The following HMCES variants were observed in gnomAD, a reference collection of about 807,000 sequenced individuals.
The protein encoded by HMCES is abasic site processing protein HMCES.
HMCES carries 27 observed loss-of-function variants against 35.1 expected under a neutral mutation model. The ratio of observed to expected loss-of-function variants is 0.77; its 90% confidence interval spans 0.57 to 1.06. The LOEUF is 1.06. HMCES is among the 50% of genes least tolerant of loss of function. The pLI, the probability that HMCES is intolerant of heterozygous loss-of-function variation, is 0.00. For synonymous variants in HMCES, 130 were observed against 154.7 expected (o/e 0.84, Z 1.18); for missense variants, 391 against 430.4 (o/e 0.91, Z 0.81).
Position 129,288,780 on chromosome 3 carries a change from T to C in HMCES, c.184-74T>C, listed in dbSNP as rs1940712570. 4 of 1,071,686 alleles carry C rather than the reference T, an allele frequency of 3.7e-6. No individual in the cohort carries two copies. The East Asian group carries it at 1.1e-4, about 28-fold the overall frequency. The allele number at this position is 1,071,686 out of a possible 1,614,324, so 66.4% of individuals were successfully genotyped here. A position where few individuals can be genotyped will look rare whatever the true frequency, so the allele number is the denominator to read the frequency against. On this transcript the variant is annotated intron_variant, in intron 2 of 6. Coordinates refer to ENST00000383463, the MANE Select transcript of HMCES (RefSeq NM_020187.3). ...TTTATATTTCAATACTCCTAAATAA[T>C]GTAATAAATACATATGTTAAATTAG...
Position 129,305,450 on chromosome 3 carries a change from T to A in HMCES, c.*625T>A, listed in dbSNP as rs1308899070. 3.3e-5 allele frequency: 5 copies of A among 152,092 alleles called. No individual in the cohort carries two copies. The highest frequency in any genetic ancestry group is 3.3e-4 in the Admixed American group (5 of 15,274). 9.4% of individuals were successfully genotyped at this position (152,092 alleles called of 1,614,324 possible). Reference sequence around the variant, plus strand: ...CAAGTCTTGGTGGTGGGCTCCTTATTATGTTTCTTTTTCTTTCATTCTTGA... The same window carrying A: ...CAAGTCTTGGTGGTGGGCTCCTTATAATGTTTCTTTTTCTTTCATTCTTGA... On this transcript the variant is annotated 3_prime_UTR_variant, in exon 7 of 7. Transcript: ENST00000383463.
Position 129,279,613 on chromosome 3 carries a change from C to A in HMCES, c.-23-97C>A. 1 of 1,220,284 alleles carries A rather than the reference C, an allele frequency of 8.2e-7. No homozygotes were observed. The highest frequency in any genetic ancestry group is 1.1e-6 in the Non-Finnish European group (1 of 870,662). The allele number at this position is 1,220,284 out of a possible 1,614,324, so 75.6% of individuals were successfully genotyped here. On this transcript the variant is annotated intron_variant, in intron 1 of 6. Transcript: ENST00000383463. The surrounding 1 kb of genome is among the most constrained non-coding windows in gnomAD (Gnocchi z 4.2). ...TTTAGACGGTGGTCACGGAGGGGCA[C>A]GGCCCTGTGGGAACGGAAAGAGAAG...
chr3:129,284,050 T>G (rs1940567053), intron 2 of HMCES, among the ~76,000 whole-genome samples: 1 of 152,242 alleles, frequency 6.6e-6, no homozygotes, highest in Non-Finnish European at 1.5e-5. Flanking sequence ...TCACTAAAAT[T>G]TATTTGTAAC....
At chr3:129,281,089 GCACGCAC>G (rs1940467171) in intron 2 of HMCES, among the ~76,000 whole-genome samples, 1 of 152,014 alleles carries the variant, frequency 6.6e-6, no homozygotes, top group South Asian at 2.1e-4. Flanking sequence ...GAGTATGGTG[GCACGCAC>G]CTGTAGTCCC....
intron 4 of HMCES, 114 bp downstream of exon 4, chr3:129,290,918 T>C: frequency 1.8e-6 from 2 of 1,089,860 alleles, no homozygotes; most frequent in South Asian, 3.0e-5. Flanking sequence ...AAATAACAGC[T>C]TTGGCCCAGT....
At chr3:129,301,171 A>ACGTCTC (rs1560078379) in intron 5 of HMCES, among the ~76,000 whole-genome samples, 1,760 of 148,444 alleles carry the variant, frequency 0.012, 40 homozygotes, top group African/African-American at 0.042. Context: ...CAGCCTGGGC[A>ACGTCTC]ACACAGCAAG....
At chr3:129,303,367 C>T (rs2071194285) in intron 6 of HMCES, among the ~76,000 whole-genome samples, 1 of 152,144 alleles carries the variant, frequency 6.6e-6, no homozygotes, top group Admixed American at 6.5e-5. Context: ...AAAGTTTTTT[C>T]CATACCCACA....
In HMCES at chr3:129,305,285, T is replaced by C. The variant is rs189576813; in HGVS notation, c.*460T>C. ...TTATTTTTTTCCTGAATAAATTGTA[T>C]TTGGTAAACTTCTGCCTACATTTTG... On this transcript the variant is annotated 3_prime_UTR_variant, in exon 7 of 7. Coordinates refer to ENST00000383463, the MANE Select transcript of HMCES (RefSeq NM_020187.3). 6.5e-6 allele frequency: 1 copy of C among 154,324 alleles called. No homozygotes were observed. Among genetic ancestry groups the C allele is most frequent in the Admixed American group, 6.4e-5 (1 of 15,730 alleles). 9.6% of individuals were successfully genotyped at this position (154,324 alleles called of 1,614,324 possible). A position where few individuals can be genotyped will look rare whatever the true frequency, so the allele number is the denominator to read the frequency against.
rs2071230396 is a variant in HMCES, at chr3:129,306,065, C to T, written c.*1240C>T. ...CTGCACTGTGGAGGCGGGGGCCTCC[C>T]TTGTGGACTGATTTGCGTGGGATTT... On this transcript the variant is annotated 3_prime_UTR_variant, in exon 7 of 7. Coordinates refer to ENST00000383463, the MANE Select transcript of HMCES (RefSeq NM_020187.3). The T allele has an allele frequency of 1.3e-5, 2 of 152,194 alleles. No homozygotes were observed. Among genetic ancestry groups the T allele is most frequent in the African/African-American group, 2.4e-5 (1 of 41,458 alleles). 9.4% of individuals were successfully genotyped at this position (152,194 alleles called of 1,614,324 possible).
intron 6 of HMCES, among the ~76,000 whole-genome samples, chr3:129,303,890 ACAC>A (rs2071201944): frequency 6.6e-6 from 1 of 151,754 alleles, no homozygotes; most frequent in African/African-American, 2.4e-5. Flanking sequence ...CTACAAGCGT[ACAC>A]CACCATGCCT....
At chr3:129,280,430 G>A (rs1203773541) in intron 2 of HMCES, among the ~76,000 whole-genome samples, 2 of 152,048 alleles carry the variant, frequency 1.3e-5, no homozygotes, top group Non-Finnish European at 2.9e-5. Context: ...TGGGGAGGTC[G>A]AGGCTTCATG....
chr3:129,303,525 G>A (rs1285914691), intron 6 of HMCES, among the ~76,000 whole-genome samples: 2 of 152,098 alleles, frequency 1.3e-5, no homozygotes, highest in Non-Finnish European at 2.9e-5. Flanking sequence ...TTTAGATTTT[G>A]AATTTTTTCA....
At chr3:129,288,204 A>C (rs1209823220) in intron 2 of HMCES, among the ~76,000 whole-genome samples, 1 of 150,854 alleles carries the variant, frequency 6.6e-6, no homozygotes, top group Non-Finnish European at 1.5e-5. Flanking sequence ...GAGCCCAGGA[A>C]TTCAACGTTG....
intron 4 of HMCES, among the ~76,000 whole-genome samples, chr3:129,292,769 C>T (rs1216346234): frequency 6.6e-6 from 1 of 152,124 alleles, no homozygotes; most frequent in East Asian, 1.9e-4. Context: ...CAGGCGTGAG[C>T]CACTGCGCCT....
chr3:129,290,714 A>T lies in HMCES; in HGVS notation c.363A>T (p.Leu121Phe). 2 of 1,613,684 alleles carry T rather than the reference A, an allele frequency of 1.2e-6. No individual in the cohort carries two copies. Among genetic ancestry groups the T allele is most frequent in the Non-Finnish European group, 1.7e-6 (2 of 1,179,642 alleles). ...GAAAGGGAAGACGCTGTGTCGTTTT[A>T]GCAGATGGATTCTATGAGTGGCAGC... ...PLGKGRRCVVLADGFYEWQRC... is the reference protein window; with the variant it reads ...PLGKGRRCVVFADGFYEWQRC... The change falls in exon 4 of 7, where the codon TTA becomes TTT. Residue 121 changes from leucine (L) to phenylalanine (F), a missense_variant. Coordinates refer to ENST00000383463, the MANE Select transcript of HMCES (RefSeq NM_020187.3).
chr3:129,292,521 C>G (rs1034499951), intron 4 of HMCES, among the ~76,000 whole-genome samples: 1 of 141,364 alleles, frequency 7.1e-6, no homozygotes, highest in African/African-American at 2.6e-5. Flanking sequence ...GAGACAGAGT[C>G]TCTCTCTGTT....
intron 5 of HMCES, among the ~76,000 whole-genome samples, chr3:129,299,072 C>T (rs78202183): frequency 1.3e-4 from 20 of 152,110 alleles, no homozygotes; most frequent in Middle Eastern, 3.2e-3. Flanking sequence ...GGTGTGACCC[C>T]GGGAGGTGGA....
chr3:129,296,107 C>A (rs2071088631), intron 4 of HMCES, among the ~76,000 whole-genome samples: 1 of 152,150 alleles, frequency 6.6e-6, no homozygotes, highest in South Asian at 2.1e-4. Context: ...GTCACCCAAG[C>A]TGGAGTACAG....
At chr3:129,290,843 C>T (rs1019109648) in intron 4 of HMCES, 39 bp downstream of exon 4, 1 of 1,569,146 alleles carries the variant, frequency 6.4e-7, no homozygotes, top group East Asian at 2.3e-5. Flanking sequence ...TTTGGAAAGG[C>T]ACAGGGAAAC....
Sources: gnomAD v4.1 joint callset for allele counts (sites outside exome capture counted in the v4.1 genomes callset) on GRCh38, gnomAD v4.1.1 for gene constraint, Gnocchi (gnomAD v3.1) non-coding constraint, MANE v1.5 for transcripts, NCBI Gene and HGNC (gene_info 2026-07-23, HGNC 2026-07-21) for gene names.